TRIM54: variants seen among roughly 807,000 people sequenced by gnomAD.
The protein encoded by TRIM54 is tripartite motif-containing protein 54.
A neutral mutation model predicts 42.0 loss-of-function variants in TRIM54; 40 were observed. The ratio of observed to expected loss-of-function variants is 0.95; its 90% CI spans 0.74 to 1.24. TRIM54 has a LOEUF of 1.24. Ranked by LOEUF, TRIM54 falls within the 50% of genes most tolerant of loss-of-function variation. TRIM54 has a pLI of 0.00. For synonymous variants in TRIM54, 199 were observed against 194.9 expected (o/e 1.02, Z -0.17); for missense variants, 485 against 480.3 (o/e 1.01, Z -0.09).
chr2:27,291,589 T>G (rs1483072146), intron 1 of TRIM54, among the ~76,000 whole-genome samples: 14 of 152,318 alleles, frequency 9.2e-5, no homozygotes, highest in African/African-American at 3.1e-4. Flanking sequence ...TGAGGGCGTC[T>G]AAGCAATATG....
rs1470323204 is a variant in TRIM54, at chr2:27,282,756, C to T, written c.25C>T (p.Pro9Ser). 1.9e-6 allele frequency: 3 copies of T among 1,612,222 alleles called. No individual in the cohort carries two copies. The highest frequency in any genetic ancestry group is 2.5e-6 in the Non-Finnish European group (3 of 1,179,106). The change falls in exon 1 of 9, where the codon CCG becomes TCG. Residue 9 changes from proline to serine, a missense_variant. Transcript: ENST00000380075. MNFTVGFKPLLGDAHSMDN... is the reference protein window; with the variant it reads MNFTVGFKSLLGDAHSMDN... ...GATGAACTTCACAGTGGGTTTCAAG[C>T]CGCTGCTAGGGGATGCACACAGCAT... is the stretch of plus-strand genomic sequence containing the variant.
intron 1 of TRIM54, among the ~76,000 whole-genome samples, chr2:27,290,428 G>T (rs1439580048): frequency 2.0e-5 from 3 of 152,176 alleles, no homozygotes; most frequent in Non-Finnish European, 2.9e-5. Context: ...AGCACTATGG[G>T]AGGGAGAGGC....
chr2:27,295,547 C>A (rs1479401382), intron 1 of TRIM54, among the ~76,000 whole-genome samples: 1 of 152,040 alleles, frequency 6.6e-6, no homozygotes, highest in African/African-American at 2.4e-5. Context: ...ACCTCATGAT[C>A]CACCCACCTC....
In TRIM54 at chr2:27,306,073, C is replaced by T; in HGVS notation, c.844-7C>T. On this transcript the variant is annotated splice_polypyrimidine_tract_variant and splice_region_variant and intron_variant, in intron 5 of 8. Coordinates refer to ENST00000380075, the MANE Select transcript of TRIM54 (RefSeq NM_187841.3). The surrounding 1 kb of genome is among the most constrained non-coding windows in gnomAD (Gnocchi z 6.1). ...GCTTACTCTCACCCTCCTTTTCTTC[C>T]CTGCAGCAGGCCAAGGAGCTGATCA... The T allele has an allele frequency of 1.2e-6, 2 of 1,613,776 alleles. No homozygotes were observed. Among genetic ancestry groups the T allele is most frequent in the South Asian group, 1.1e-5 (1 of 91,068 alleles).
At chr2:27,289,392 C>G (rs1194987680) in intron 1 of TRIM54, among the ~76,000 whole-genome samples, 1 of 152,158 alleles carries the variant, frequency 6.6e-6, no homozygotes, top group Non-Finnish European at 1.5e-5. Flanking sequence ...TCTCAGCTCA[C>G]CACAACCTCT....
chr2:27,307,386 C>A lies in TRIM54; in HGVS notation c.*501C>A. On this transcript the variant is annotated 3_prime_UTR_variant, in exon 9 of 9. Transcript: ENST00000380075. This position sits in a 1 kb window ranked among gnomAD's most constrained non-coding sequence, Gnocchi z 6.9. ...CGCTGCTGTGACTGCCCTGCCTCTA[C>A]GACAAAAGCCAACGGGTCTTCAGTA... is the stretch of plus-strand genomic sequence containing the variant. 7.0e-7 allele frequency: 1 copy of A among 1,423,932 alleles called. No homozygotes were observed. The highest frequency in any genetic ancestry group is 9.3e-7 in the Non-Finnish European group (1 of 1,074,892). 88.2% of individuals were successfully genotyped at this position (1,423,932 alleles called of 1,614,324 possible).
Position 27,306,484 on chromosome 2 carries a change from C to T in TRIM54, c.1020C>T (p.Ala340=), listed in dbSNP as rs1446537335. 1.3e-6 allele frequency: 2 copies of T among 1,587,746 alleles called. No individual in the cohort carries two copies. Among genetic ancestry groups the T allele is most frequent in the South Asian group, 1.1e-5 (1 of 88,420 alleles). Residue 340 remains alanine, a synonymous_variant, in exon 8 of 9, where the codon GCC becomes GCT. Transcript: ENST00000380075. This position sits in a 1 kb window ranked among gnomAD's most constrained non-coding sequence, Gnocchi z 6.1. ...PGASGEEEEV[A]PDGEEGSAGP... is the part of the protein sequence containing the mutation. ...CTTCCGGGGAGGAAGAGGAGGTGGC[C>T]CCAGACGGAGAGGAGGGCAGCGCGG...
Position 27,306,411 on chromosome 2 carries a change from C to G in TRIM54, c.992-45C>G, listed in dbSNP as rs753429911. On this transcript the variant is annotated intron_variant, in intron 7 of 8. Coordinates refer to ENST00000380075, the MANE Select transcript of TRIM54 (RefSeq NM_187841.3). This position sits in a 1 kb window ranked among gnomAD's most constrained non-coding sequence, Gnocchi z 6.1. The stretch of plus-strand genomic sequence containing the variant: ...TGGGGGGTGCGGCGGGCACGATGGC[C>G]GTAAAGGCAGGGACTCCACCTCACC... 2 of 1,611,298 alleles carry G rather than the reference C, an allele frequency of 1.2e-6. No individual in the cohort carries two copies. The highest frequency in any genetic ancestry group is 1.7e-5 in the Admixed American group (1 of 59,552).
intron 1 of TRIM54, among the ~76,000 whole-genome samples, chr2:27,291,121 A>T (rs1055462814): frequency 6.6e-6 from 1 of 152,224 alleles, no homozygotes; most frequent in Admixed American, 6.5e-5. Flanking sequence ...TGGGAGGCCA[A>T]GGTAGGCAGA....
intron 3 of TRIM54, among the ~76,000 whole-genome samples, chr2:27,302,323 C>A (rs1447776208): frequency 6.7e-6 from 1 of 149,046 alleles, no homozygotes; most frequent in African/African-American, 2.5e-5. Context: ...TGGTGGCAGG[C>A]GCCTGTAGTC....
At chr2:27,301,335 TCAC>T (rs1679030443) in intron 3 of TRIM54, among the ~76,000 whole-genome samples, 1 of 152,148 alleles carries the variant, frequency 6.6e-6, no homozygotes. Flanking sequence ...AGACAGGGTT[TCAC>T]CATGTTGGCC....
chr2:27,299,799 G>A (rs1184804040), intron 3 of TRIM54: 25 of 557,408 alleles, frequency 4.5e-5, no homozygotes, highest in East Asian at 1.2e-4. Context: ...TCAGCCTCCC[G>A]GGTTCAAGCT....
intron 2 of TRIM54, 22 bp from the exon 3 acceptor site, chr2:27,299,223 C>T (rs762894005): frequency 6.2e-7 from 1 of 1,612,470 alleles, no homozygotes. Flanking sequence ...AGGTCCACCT[C>T]CCCCTGCCCA....
chr2:27,283,796 A>G (rs1478130270), intron 1 of TRIM54, among the ~76,000 whole-genome samples: 7 of 150,592 alleles, frequency 4.6e-5, no homozygotes, highest in African/African-American at 1.7e-4. Context: ...ACACACACAC[A>G]CACACACACA....
intron 1 of TRIM54, among the ~76,000 whole-genome samples, chr2:27,293,688 G>A (rs1217332410): frequency 6.6e-6 from 1 of 152,008 alleles, no homozygotes; most frequent in East Asian, 1.9e-4. Context: ...TTTGAGGTTT[G>A]TTCCTTCATT....
In TRIM54 at chr2:27,299,246, C is replaced by T. The variant is rs1347413485; in HGVS notation, c.343C>T (p.Pro115Ser). 1.2e-6 allele frequency: 2 copies of T among 1,613,756 alleles called. No individual in the cohort carries two copies. Among genetic ancestry groups the T allele is most frequent in the East Asian group, 4.5e-5 (2 of 44,880 alleles). The change falls in exon 3 of 9, where the codon CCG becomes TCG. Residue 115 changes from proline to serine, a missense_variant and splice_region_variant. Pro to Ser is a moderately conservative substitution (Grantham distance 74). Transcript: ENST00000380075. ...IDIYKQESSR[P>S]LHSKAEQHLM... Reference sequence around the variant, plus strand: ...CTCCCCCTGCCCACTCCTCTCTAGGCCGCTGCACTCCAAGGCTGAGCAGCA... The same window carrying T: ...CTCCCCCTGCCCACTCCTCTCTAGGTCGCTGCACTCCAAGGCTGAGCAGCA...
intron 2 of TRIM54, 34 bp from the exon 3 acceptor site, chr2:27,299,211 T>C (rs1161213329): frequency 1.2e-6 from 2 of 1,610,290 alleles, no homozygotes; most frequent in African/African-American, 2.7e-5. Flanking sequence ...CCTTCATGCT[T>C]AAGGTCCACC....
At chr2:27,289,210 T>A (rs1233548382) in intron 1 of TRIM54, among the ~76,000 whole-genome samples, 1 of 152,216 alleles carries the variant, frequency 6.6e-6, no homozygotes, top group African/African-American at 2.4e-5. Context: ...GTGGATCCTT[T>A]CTAATAACAA....
At chr2:27,301,735 T>G (rs1679042813) in intron 3 of TRIM54, among the ~76,000 whole-genome samples, 1 of 152,104 alleles carries the variant, frequency 6.6e-6, no homozygotes, top group Non-Finnish European at 1.5e-5. Context: ...TAGAATGCCT[T>G]AACCATCTGG....
Sources: allele counts gnomAD v4.1 joint callset (sites outside exome capture counted in the v4.1 genomes callset), GRCh38; gene constraint gnomAD v4.1.1; non-coding constraint Gnocchi (gnomAD v3.1); transcripts MANE v1.5; gene names NCBI Gene and HGNC (gene_info 2026-07-23, HGNC 2026-07-21).